LPAR1: variants seen among roughly 807,000 people sequenced by gnomAD.
LPAR1 encodes lysophosphatidic acid receptor 1.
A neutral mutation model predicts 23.8 loss-of-function variants in LPAR1; 5 were observed. That is an observed-to-expected ratio of 0.21 (90% CI 0.11 to 0.44). LPAR1 has a LOEUF of 0.44. Among genes scored for constraint, LPAR1 ranks in the 20% least tolerant of loss-of-function variants. LPAR1 has a pLI of 0.99. For synonymous variants in LPAR1, 160 were observed against 164.7 expected (o/e 0.97, Z 0.22); for missense variants, 311 against 482.8 (o/e 0.64, Z 3.33).
chr9:110,985,406 A>G (rs928000851), intron 2 of LPAR1, among the ~76,000 whole-genome samples: 1 of 125,732 alleles, frequency 8.0e-6, no homozygotes, highest in African/African-American at 2.9e-5. Context: ...TTATTTTCAA[A>G]TTGGTCTAAA....
At chr9:110,933,423 G>A (rs1429149923) in intron 5 of LPAR1, among the ~76,000 whole-genome samples, 1 of 152,188 alleles carries the variant, frequency 6.6e-6, no homozygotes, top group Non-Finnish European at 1.5e-5. Context: ...TAAGCCACAT[G>A]TATGTGCTTT....
intron 5 of LPAR1, among the ~76,000 whole-genome samples, chr9:110,900,742 A>G (rs1442703047): frequency 6.6e-6 from 1 of 152,180 alleles, no homozygotes; most frequent in Non-Finnish European, 1.5e-5. Flanking sequence ...GTTTCCTGAA[A>G]TTTAAGAATT....
intron 2 of LPAR1, among the ~76,000 whole-genome samples, chr9:110,979,698 A>G (rs1195706121): frequency 6.6e-6 from 1 of 152,188 alleles, no homozygotes; most frequent in South Asian, 2.1e-4. Flanking sequence ...GCTAGAAGAC[A>G]ATGAAGCAAT....
At chr9:110,998,180 C>T (rs978314949) in intron 2 of LPAR1, among the ~76,000 whole-genome samples, 8 of 152,178 alleles carry the variant, frequency 5.3e-5, no homozygotes, top group African/African-American at 1.9e-4. Flanking sequence ...TCAGTGGCCT[C>T]ACATGGCCTT....
rs557170446 is a variant in LPAR1 at position 110,885,434 on chromosome 9, C to T, written c.794-9712G>A. Among the ~76,000 whole-genome samples the T allele has an allele frequency of 3.5e-4, 54 of 152,292 alleles. 1 individual carries two copies. Among genetic ancestry groups the T allele is most frequent in the Non-Finnish European group, 5.0e-4 (34 of 68,022 alleles). On this transcript the variant is annotated intron_variant, in intron 5 of 5. Transcript: ENST00000683809. ...GGCAAAATGCTAAATGAGATAATTACATGGGGAGAGATGTGTTCCTCTGAA... is the reference window on the plus strand; with the variant it reads ...GGCAAAATGCTAAATGAGATAATTATATGGGGAGAGATGTGTTCCTCTGAA...
intron 2 of LPAR1, among the ~76,000 whole-genome samples, chr9:110,975,294 T>C (rs374625206): frequency 4.6e-5 from 7 of 152,142 alleles, no homozygotes; most frequent in Admixed American, 2.0e-4. Context: ...CAAACAAATA[T>C]GTCATATGAC....
At chr9:110,985,126 C>T (rs1055210281) in intron 2 of LPAR1, among the ~76,000 whole-genome samples, 1 of 152,066 alleles carries the variant, frequency 6.6e-6, no homozygotes, top group East Asian at 1.9e-4. Flanking sequence ...GGTTCATTTG[C>T]TTCACATGCA....
At chr9:110,951,632 T>C (rs1400764030) in intron 4 of LPAR1, among the ~76,000 whole-genome samples, 3 of 152,110 alleles carry the variant, frequency 2.0e-5, no homozygotes, top group Non-Finnish European at 2.9e-5. Context: ...AGTTGGAAAA[T>C]GTCAAGAGTC....
intron 5 of LPAR1, among the ~76,000 whole-genome samples, chr9:110,890,363 C>T (rs2083723091): frequency 6.6e-6 from 1 of 152,122 alleles, no homozygotes; most frequent in African/African-American, 2.4e-5. Context: ...TATCAAACCA[C>T]TAAGGAACAT....
intron 2 of LPAR1, among the ~76,000 whole-genome samples, chr9:111,031,562 G>C (rs1363674229): frequency 1.3e-5 from 2 of 152,062 alleles, no homozygotes; most frequent in Admixed American, 6.6e-5. Context: ...CGTGAGCCAG[G>C]ATTATGCCAC....
intron 4 of LPAR1, among the ~76,000 whole-genome samples, chr9:110,955,124 C>A (rs916353673): frequency 6.6e-6 from 1 of 152,174 alleles, no homozygotes; most frequent in African/African-American, 2.4e-5. Context: ...AAACTTTCCA[C>A]TTAAAAGATA....
intron 4 of LPAR1, 45 bp from the exon 5 acceptor site, chr9:110,942,213 C>A: frequency 6.5e-7 from 1 of 1,544,288 alleles, no homozygotes; most frequent in South Asian, 1.3e-5. Flanking sequence ...AGGCACAGGT[C>A]CAAATTTAAA....
chr9:110,925,734 G>A (rs2093972054), intron 5 of LPAR1, among the ~76,000 whole-genome samples: 1 of 152,170 alleles, frequency 6.6e-6, no homozygotes, highest in Non-Finnish European at 1.5e-5. Flanking sequence ...TAAAGTATGA[G>A]AACATTACAT....
rs369807009 is a variant in LPAR1, at chr9:110,875,591, T to C, written c.925A>G (p.Ile309Val). ...TCTTTGTCGCGGTAGGAGTAAATGA[T>C]GGGGTTCATGGCAGAGTTGAATTCA... ...LAEFNSAMNP[I>V]IYSYRDKEMS... The change falls in exon 6 of 6, where the codon ATC (isoleucine) becomes GTC (valine). Residue 309 changes from isoleucine to valine, a missense_variant. Around this residue, in one of 2 missense-constraint regions of LPAR1, gnomAD observed 250 missense variants for 427.2 expected, o/e 0.59. Transcript: ENST00000683809. 6.8e-6 allele frequency: 11 copies of C among 1,613,898 alleles called. No homozygotes were observed. Among genetic ancestry groups the C allele is most frequent in the Non-Finnish European group, 9.3e-6 (11 of 1,179,990 alleles).
At position 110,984,785 on chromosome 9, in the gene LPAR1, T is replaced by C. The variant is rs1445564378; in HGVS notation, c.-181-11227A>G. ...AGTAACGGTGACAAAAAAAAAAGAA[T>C]GCAGTTTTAACTAATAGGAAAAAAA... is the stretch of plus-strand genomic sequence containing the variant. On this transcript the variant is annotated intron_variant, in intron 2 of 5. Coordinates refer to ENST00000683809, the MANE Select transcript of LPAR1 (RefSeq NM_001351411.2). 3.4e-5 allele frequency among the ~76,000 whole-genome samples: 5 copies of C among 148,092 alleles called. 1 individual carries two copies. In the East Asian group the frequency reaches 7.8e-4, roughly 23 times the overall value.
intron 5 of LPAR1, among the ~76,000 whole-genome samples, chr9:110,926,106 G>A (rs2094008266): frequency 6.6e-6 from 1 of 152,150 alleles, no homozygotes; most frequent in Non-Finnish European, 1.5e-5. Flanking sequence ...ATTTTTAGTA[G>A]AGATGGGGTT....
intron 5 of LPAR1, among the ~76,000 whole-genome samples, chr9:110,906,103 A>T (rs922935933): frequency 3.3e-5 from 5 of 152,226 alleles, no homozygotes; most frequent in Non-Finnish European, 5.9e-5. Flanking sequence ...TCAGATTAGT[A>T]AAGGTTATGG....
intron 4 of LPAR1, among the ~76,000 whole-genome samples, chr9:110,955,009 TAAGA>T: frequency 6.6e-6 from 1 of 151,942 alleles, no homozygotes; most frequent in Admixed American, 6.6e-5. Flanking sequence ...TGATAAACAG[TAAGA>T]AAGAAAGGAA....
At chr9:110,976,139 A>AC (rs2096548109) in intron 2 of LPAR1, among the ~76,000 whole-genome samples, 1 of 151,908 alleles carries the variant, frequency 6.6e-6, no homozygotes, top group African/African-American at 2.4e-5. Context: ...TGACAGATGA[A>AC]CCCCCGCCTT....
Sources: gnomAD v4.1 joint callset for allele counts (sites outside exome capture counted in the v4.1 genomes callset) on GRCh38, gnomAD v4.1.1 for gene constraint, gnomAD v4.1.1 regional missense constraint, MANE v1.5 for transcripts, NCBI Gene and HGNC (gene_info 2026-07-23, HGNC 2026-07-21) for gene names.